CACNA1E: variants seen among roughly 807,000 people sequenced by gnomAD.
The protein encoded by CACNA1E is calcium voltage-gated channel subunit alpha1 E, also known as voltage-dependent R-type calcium channel subunit alpha-1E.
Under a neutral mutation model 259.2 loss-of-function variants are expected in CACNA1E, and 40 were observed. The ratio of observed to expected loss-of-function variants is 0.15; its 90% CI spans 0.12 to 0.20. The LOEUF (loss-of-function observed/expected upper bound fraction) is 0.20. Among genes scored for constraint, CACNA1E ranks in the 10% least tolerant of loss-of-function variants. The probability of loss-of-function intolerance (pLI) is 1.00; values close to 1 mark genes in which losing one functional copy is unlikely to be tolerated. For synonymous variants in CACNA1E, 1,104 were observed against 1,138.5 expected, an observed-to-expected ratio of 0.97 and a Z score of 0.61; for missense variants, 1,874 against 3,040.1, an observed-to-expected ratio of 0.62 and a Z score of 9.02.
At chr1:181,663,504 C>A (rs988415857) in intron 7 of CACNA1E, among the ~76,000 whole-genome samples, 1 of 152,164 alleles carries the variant, frequency 6.6e-6, no homozygotes, top group Non-Finnish European at 1.5e-5. Context: ...TATCTTAGTG[C>A]CTTGTTTTTG....
intron 7 of CACNA1E, among the ~76,000 whole-genome samples, chr1:181,672,532 C>A (rs1648914768): frequency 6.6e-6 from 1 of 152,180 alleles, no homozygotes; most frequent in Admixed American, 6.5e-5. Context: ...TCTGTAAACA[C>A]CTATGAATAG....
In CACNA1E at chr1:181,663,891, A is replaced by G. The variant is rs1443105377; in HGVS notation, c.1055+12450A>G. On this transcript the variant is annotated intron_variant, in intron 7 of 47. Coordinates refer to ENST00000367573, the MANE Select transcript of CACNA1E (RefSeq NM_001205293.3). Reference sequence around the variant, plus strand: ...TATGAACTTAGATTATTTGCATAGTAAGGATATTAACCTTTTATATCATAT... The same window carrying G: ...TATGAACTTAGATTATTTGCATAGTGAGGATATTAACCTTTTATATCATAT... Among the ~76,000 whole-genome samples, 4 of 152,238 alleles carry G rather than the reference A, an allele frequency of 2.6e-5. No individual in the cohort carries two copies. The South Asian group carries it at 6.2e-4, about 24-fold the overall frequency.
intron 2 of CACNA1E, among the ~76,000 whole-genome samples, chr1:181,430,060 C>T (rs1389604012): frequency 3.3e-5 from 5 of 152,208 alleles, no homozygotes; most frequent in African/African-American, 1.2e-4. Context: ...CCTCTACATA[C>T]TCTTTTCTGG....
chr1:181,577,344 A>G (rs1353564927), intron 3 of CACNA1E, among the ~76,000 whole-genome samples: 1 of 152,228 alleles, frequency 6.6e-6, no homozygotes, highest in Non-Finnish European at 1.5e-5. Context: ...CAGTTAATCC[A>G]GAGAAATTTC....
At chr1:181,411,465 C>T (rs1657837030) in intron 1 of CACNA1E, among the ~76,000 whole-genome samples, 2 of 152,106 alleles carry the variant, frequency 1.3e-5, no homozygotes, top group Admixed American at 6.5e-5. Context: ...CCTTTGGTTT[C>T]CCTAAATCCT....
chr1:181,768,788 G>T (rs1659240349), intron 35 of CACNA1E, among the ~76,000 whole-genome samples: 1 of 152,158 alleles, frequency 6.6e-6, no homozygotes. Context: ...CAGAGACACA[G>T]CACCAAGCAC....
chr1:181,504,631 C>A (rs73051951), intron 1 of CACNA1E, among the ~76,000 whole-genome samples: 3,882 of 152,292 alleles, frequency 0.025, 161 homozygotes, highest in African/African-American at 0.088. Flanking sequence ...CAGCTCCAGG[C>A]CAGGCCCCCA....
chr1:181,806,182 G>A lies in CACNA1E; in HGVS notation c.*7348G>A, dbSNP rs867117731. On this transcript the variant is annotated 3_prime_UTR_variant, in exon 48 of 48. Coordinates refer to ENST00000367573, the MANE Select transcript of CACNA1E (RefSeq NM_001205293.3). ...CTTCAACATAGTAGCACCAATAAAGGAGAGATTATGTTAACTTCCTAGTGG... is the reference window on the plus strand; with the variant it reads ...CTTCAACATAGTAGCACCAATAAAGAAGAGATTATGTTAACTTCCTAGTGG... The A allele has an allele frequency of 2.0e-5, 3 of 152,182 alleles. No individual in the cohort carries two copies. The highest frequency in any genetic ancestry group is 7.2e-5 in the African/African-American group (3 of 41,436). 9.4% of individuals were successfully genotyped at this position (152,182 alleles called of 1,614,324 possible).
intron 1 of CACNA1E, among the ~76,000 whole-genome samples, chr1:181,377,780 A>G (rs1392477903): frequency 6.6e-6 from 1 of 152,240 alleles, no homozygotes; most frequent in Non-Finnish European, 1.5e-5. Context: ...TAAAAAATGA[A>G]TGCATAATGA....
intron 16 of CACNA1E, among the ~76,000 whole-genome samples, chr1:181,724,011 G>T (rs1392555909): frequency 1.3e-5 from 2 of 152,198 alleles, no homozygotes; most frequent in Non-Finnish European, 2.9e-5. Flanking sequence ...CCCAGGGGTT[G>T]TGGGGGTAGG....
intron 2 of CACNA1E, 37 bp downstream of exon 2, chr1:181,510,619 T>G: frequency 7.4e-7 from 1 of 1,350,130 alleles, no homozygotes; most frequent in East Asian, 2.3e-5. Flanking sequence ...TTGCCCCTTT[T>G]GTCTTTCTTG....
chr1:181,700,238 T>C (rs1165053156), intron 7 of CACNA1E, among the ~76,000 whole-genome samples: 1 of 152,126 alleles, frequency 6.6e-6, no homozygotes, highest in East Asian at 1.9e-4. Context: ...AAAGATCCAC[T>C]GAGCCCCAAA....
intron 1 of CACNA1E, among the ~76,000 whole-genome samples, chr1:181,365,628 C>T (rs1157204218): frequency 6.6e-6 from 1 of 152,182 alleles, no homozygotes; most frequent in Non-Finnish European, 1.5e-5. Context: ...TCAGTGGCTG[C>T]CTTAGACACT....
intron 6 of CACNA1E, among the ~76,000 whole-genome samples, chr1:181,626,358 C>G (rs1053218645): frequency 7.9e-5 from 12 of 152,056 alleles, no homozygotes; most frequent in African/African-American, 2.9e-4. Flanking sequence ...TGAGGTATGC[C>G]TGTAGAACTA....
chr1:181,457,556 G>T (rs900463437), intron 2 of CACNA1E, among the ~76,000 whole-genome samples: 1 of 152,216 alleles, frequency 6.6e-6, no homozygotes. Flanking sequence ...ACTTGGTGCT[G>T]GTCAGCTCGG....
chr1:181,457,177 C>A (rs552049126), intron 2 of CACNA1E, among the ~76,000 whole-genome samples: 5 of 152,234 alleles, frequency 3.3e-5, no homozygotes, highest in Admixed American at 6.5e-5. Flanking sequence ...GGATACCTTT[C>A]TTTCCACTGT....
chr1:181,655,011 A>G (rs1419884535), intron 7 of CACNA1E, among the ~76,000 whole-genome samples: 2 of 151,388 alleles, frequency 1.3e-5, no homozygotes, highest in Non-Finnish European at 2.9e-5. Context: ...AAAGAAACAT[A>G]AGATATCTTA....
Position 181,737,652 on chromosome 1 carries a change from A to G in CACNA1E, c.3550A>G (p.Lys1184Glu). The change falls in exon 23 of 48, where the codon AAA becomes GAA. Residue 1184 changes from lysine (K) to glutamate (E), a missense_variant and splice_region_variant. Physicochemically the swap from Lys to Glu is moderately conservative, Grantham distance 56. This residue lies in a region of CACNA1E where 56 missense variants were observed against 97.4 expected (regional missense o/e 0.57). Transcript: ENST00000367573. ...CGTCCTGACCAACTCGGAGCGCAAC[A>G]AAGTGGGTACACAGGGGCCATGTGC... ...DPVLTNSERN[K>E]VLRYFDYVFT... 1 of 1,613,656 alleles carries G rather than the reference A, an allele frequency of 6.2e-7. No individual in the cohort carries two copies. The highest frequency in any genetic ancestry group is 8.5e-7 in the Non-Finnish European group (1 of 1,179,656).
At chr1:181,632,387 A>C (rs1425712017) in intron 6 of CACNA1E, among the ~76,000 whole-genome samples, 1 of 152,242 alleles carries the variant, frequency 6.6e-6, no homozygotes, top group East Asian at 1.9e-4. Context: ...TCTCTGTGTC[A>C]TCCTGGTCAA....
Sources: gnomAD v4.1 joint callset for allele counts (sites outside exome capture counted in the v4.1 genomes callset) on GRCh38, gnomAD v4.1.1 for gene constraint, gnomAD v4.1.1 regional missense constraint, MANE v1.5 for transcripts, NCBI Gene and HGNC (gene_info 2026-07-23, HGNC 2026-07-21) for gene names.